The following HS6ST3 variants were observed in gnomAD, a reference collection of about 807,000 sequenced individuals.
The protein encoded by HS6ST3 is heparan sulfate 6-O-sulfotransferase 3.
HS6ST3 carries 12 observed loss-of-function variants against 36.7 expected under a neutral mutation model. The observed-to-expected ratio is 0.33, with a 90% CI of 0.21 to 0.53. The LOEUF (loss-of-function observed/expected upper bound fraction) is 0.53, where lower values mean the gene tolerates loss of function less well. HS6ST3 is among the 20% of genes least tolerant of loss of function. The pLI is 0.95. For missense variants in HS6ST3, 584 were observed against 640.9 expected (o/e 0.91, Z 0.96); for synonymous variants, 240 against 257.5 (o/e 0.93, Z 0.65).
chr13:96,458,456 T>C (rs2139490011), intron 1 of HS6ST3, among the ~76,000 whole-genome samples: 1 of 152,250 alleles, frequency 6.6e-6, no homozygotes, highest in Admixed American at 6.5e-5. Context: ...ATTTCTCTCT[T>C]TGAGTTCAGA....
intron 1 of HS6ST3, among the ~76,000 whole-genome samples, chr13:96,483,015 C>G (rs555486697): frequency 1.3e-3 from 200 of 152,248 alleles, no homozygotes; most frequent in African/African-American, 4.7e-3. Context: ...GTGCCAGATA[C>G]TAGGTGCTGA....
intron 1 of HS6ST3, among the ~76,000 whole-genome samples, chr13:96,670,023 G>T (rs372342459): frequency 3.3e-5 from 5 of 152,080 alleles, no homozygotes; most frequent in Admixed American, 1.3e-4. Flanking sequence ...GATGACCTAA[G>T]GAGTAAATGT....
At chr13:96,628,171 A>G (rs2056519601) in intron 1 of HS6ST3, among the ~76,000 whole-genome samples, 2 of 151,926 alleles carry the variant, frequency 1.3e-5, no homozygotes, top group South Asian at 4.1e-4. Flanking sequence ...TTCTCTCAGT[A>G]TTCACTAACT....
At chr13:96,381,728 G>T (rs138949912) in intron 1 of HS6ST3, among the ~76,000 whole-genome samples, 14 of 152,132 alleles carry the variant, frequency 9.2e-5, no homozygotes, top group Admixed American at 7.9e-4. Flanking sequence ...GGCTAGGATC[G>T]CCTGCTCTGT....
chr13:96,832,542 G>T lies in HS6ST3; in HGVS notation c.760G>T (p.Glu254Ter). 1 of 1,608,152 alleles carries T rather than the reference G, an allele frequency of 6.2e-7. No individual in the cohort carries two copies. The highest frequency in any genetic ancestry group is 8.5e-7 in the Non-Finnish European group (1 of 1,177,910). Reference protein sequence around the residue: ...LRDPVSRYLSEWKHVQRGATW... With the variant: ...LRDPVSRYLS ...GGATCCAGTGTCACGTTACCTGAGC[G>T]AGTGGAAACATGTCCAGAGAGGGGC... The change falls in exon 2 of 2, where the codon GAG becomes TAG. Residue 254 changes from glutamate to a stop codon, truncating the protein, a stop_gained. Coordinates refer to ENST00000376705, the MANE Select transcript of HS6ST3 (RefSeq NM_153456.4). LOFTEE classifies it high-confidence loss of function.
At position 96,832,590 on chromosome 13, in the gene HS6ST3, A is replaced by G. The variant is rs1406969243; in HGVS notation, c.808A>G (p.Met270Val). ...RGATWKTSLHMCDGRSPTPDE... is the reference protein window; with the variant it reads ...RGATWKTSLHVCDGRSPTPDE... ...GGCCACTTGGAAAACCTCTCTTCAT[A>G]TGTGTGATGGAAGAAGCCCCACCCC... Residue 270 changes from methionine (M) to valine (V), a missense_variant, in exon 2 of 2, where the codon ATG (methionine) becomes GTG (valine). Physicochemically the swap from Met to Val is conservative, Grantham distance 21. Coordinates refer to ENST00000376705, the MANE Select transcript of HS6ST3 (RefSeq NM_153456.4). The G allele has an allele frequency of 6.2e-7, 1 of 1,614,114 alleles. No homozygotes were observed. Among genetic ancestry groups the G allele is most frequent in the Admixed American group, 1.7e-5 (1 of 60,022 alleles).
chr13:96,472,827 T>C lies in HS6ST3; in HGVS notation c.708-359663T>C, dbSNP rs566927658. Among the ~76,000 whole-genome samples the C allele has an allele frequency of 4.6e-5, 7 of 152,304 alleles. No homozygotes were observed. In the South Asian group the frequency reaches 1.2e-3, roughly 27 times the overall value. On this transcript the variant is annotated intron_variant, in intron 1 of 1. Coordinates refer to ENST00000376705, the MANE Select transcript of HS6ST3 (RefSeq NM_153456.4). ...AGAAAGAGGAAGAAAAGGGTGGTGA[T>C]TGGTTACTTGTAAGACAGTTCATTC...
chr13:96,527,267 C>A (rs113734814), intron 1 of HS6ST3, among the ~76,000 whole-genome samples: 6 of 152,180 alleles, frequency 3.9e-5, no homozygotes, highest in African/African-American at 1.4e-4. Context: ...CATACTTTTA[C>A]TGGACCACAG....
At chr13:96,818,832 GTTCCTTTCAGAATA>G (rs577804471) in intron 1 of HS6ST3, among the ~76,000 whole-genome samples, 58 of 152,310 alleles carry the variant, frequency 3.8e-4, no homozygotes, top group Non-Finnish European at 7.5e-4. Flanking sequence ...CAATGTGCAA[GTTCCTTTCAGAATA>G]TTCATAAAAG....
intron 1 of HS6ST3, among the ~76,000 whole-genome samples, chr13:96,576,100 G>T (rs2056319643): frequency 6.6e-6 from 1 of 152,158 alleles, no homozygotes; most frequent in Non-Finnish European, 1.5e-5. Context: ...AGGGAGCGGG[G>T]GCACATGTGA....
chr13:96,592,721 T>G (rs1038442877), intron 1 of HS6ST3, among the ~76,000 whole-genome samples: 3 of 151,844 alleles, frequency 2.0e-5, no homozygotes, highest in Non-Finnish European at 2.9e-5. Context: ...GGGTACAATA[T>G]TTTTTTTCCC....
At chr13:96,795,575 T>C (rs1877889822) in intron 1 of HS6ST3, among the ~76,000 whole-genome samples, 1 of 152,118 alleles carries the variant, frequency 6.6e-6, no homozygotes, top group South Asian at 2.1e-4. Context: ...TATTAGTCAT[T>C]AATAGCTGTC....
intron 1 of HS6ST3, among the ~76,000 whole-genome samples, chr13:96,100,118 TA>T (rs2053810747): frequency 6.6e-6 from 1 of 151,694 alleles, no homozygotes; most frequent in African/African-American, 2.4e-5. Flanking sequence ...AATGAAATCC[TA>T]AAATAACTGA....
intron 1 of HS6ST3, among the ~76,000 whole-genome samples, chr13:96,345,331 T>G (rs1375606750): frequency 6.6e-6 from 1 of 152,190 alleles, no homozygotes; most frequent in Non-Finnish European, 1.5e-5. Flanking sequence ...GCTTTGTTAT[T>G]ATCAGGCTAG....
At chr13:96,363,575 CTTA>C (rs1190649122) in intron 1 of HS6ST3, among the ~76,000 whole-genome samples, 1 of 152,132 alleles carries the variant, frequency 6.6e-6, no homozygotes, top group Non-Finnish European at 1.5e-5. Flanking sequence ...CTACATTCTT[CTTA>C]TTATTCTCCT....
In HS6ST3 at chr13:96,404,098, G is replaced by A. The variant is rs114125535; in HGVS notation, c.707+312529G>A. On this transcript the variant is annotated intron_variant, in intron 1 of 1. Transcript: ENST00000376705. The stretch of plus-strand genomic sequence containing the variant: ...TTAGCATCTGTTGTTCATGTAAGAG[G>A]AGTTGCAATTATAAAACATTTATAA... 4.1e-3 allele frequency among the ~76,000 whole-genome samples: 626 copies of A among 152,238 alleles called. 7 individuals are homozygous for A. The highest frequency in any genetic ancestry group is 0.014 in the African/African-American group (599 of 41,536).
chr13:96,799,687 T>C (rs1357055467), intron 1 of HS6ST3, among the ~76,000 whole-genome samples: 7 of 150,350 alleles, frequency 4.7e-5, no homozygotes, highest in South Asian at 2.1e-4. Context: ...TGCTAGATGA[T>C]GAGTTAGTGG....
intron 1 of HS6ST3, among the ~76,000 whole-genome samples, chr13:96,132,321 A>T (rs1441942501): frequency 6.6e-6 from 1 of 152,100 alleles, no homozygotes. Flanking sequence ...AGCCCCAGTA[A>T]TGGGATTGTG....
At position 96,302,392 on chromosome 13, in the gene HS6ST3, T is replaced by A. The variant is rs1384202541; in HGVS notation, c.707+210823T>A. Among the ~76,000 whole-genome samples, 6 of 152,324 alleles carry A rather than the reference T, an allele frequency of 3.9e-5. No individual in the cohort carries two copies. The East Asian group carries it at 1.2e-3, about 29-fold the overall frequency. On this transcript the variant is annotated intron_variant, in intron 1 of 1. Coordinates refer to ENST00000376705, the MANE Select transcript of HS6ST3 (RefSeq NM_153456.4). ...ATGATAACAAAATTTCATAGCCTTTTAAAATAGCCTTGAAGATTACTTAAG... is the reference window on the plus strand; with the variant it reads ...ATGATAACAAAATTTCATAGCCTTTAAAAATAGCCTTGAAGATTACTTAAG...
Sources: gnomAD v4.1 joint callset for allele counts (sites outside exome capture counted in the v4.1 genomes callset) on GRCh38, gnomAD v4.1.1 for gene constraint, MANE v1.5 for transcripts, NCBI Gene and HGNC (gene_info 2026-07-23, HGNC 2026-07-21) for gene names.